LOXHD1: variants seen among roughly 807,000 people sequenced by gnomAD.
The protein encoded by LOXHD1 is lipoxygenase homology PLAT domains 1, also known as lipoxygenase homology domain-containing protein 1.
Under a neutral mutation model 248.2 loss-of-function variants are expected in LOXHD1, and 205 were observed. The ratio of observed to expected loss-of-function variants is 0.83; its 90% CI spans 0.74 to 0.93. LOXHD1 has a LOEUF of 0.93. Among genes scored for constraint, LOXHD1 ranks in the 40% least tolerant of loss-of-function variants. The pLI is 0.00. For synonymous variants in LOXHD1, 1,113 were observed against 1,162.8 expected (o/e 0.96, Z 0.87); for missense variants, 2,930 against 2,971.6 (o/e 0.99, Z 0.33).
chr18:46,551,815 C>G (rs967262162), intron 21 of LOXHD1, among the ~76,000 whole-genome samples: 4 of 152,138 alleles, frequency 2.6e-5, no homozygotes, highest in African/African-American at 9.7e-5. Flanking sequence ...CGGGACACCC[C>G]ATTAAAATCC....
At chr18:46,531,333 C>A (rs1568145976) in intron 28 of LOXHD1, among the ~76,000 whole-genome samples, 1 of 152,208 alleles carries the variant, frequency 6.6e-6, no homozygotes, top group Non-Finnish European at 1.5e-5. Flanking sequence ...GTTACCTAAG[C>A]TTGTCTTGCT....
Position 46,541,737 on chromosome 18 carries a change from C to A in LOXHD1, c.3913+39G>T, listed in dbSNP as rs541626731. 42 of 1,550,370 alleles carry A rather than the reference C, an allele frequency of 2.7e-5. No homozygotes were observed. In the African/African-American group the frequency reaches 5.5e-4, roughly 20 times the overall value. ...TGAGTTGGGGTAGCTGGTGATGGGGCCCCAGAGAAGGGCTGGCCTTGCCGT... is the reference window on the plus strand; with the variant it reads ...TGAGTTGGGGTAGCTGGTGATGGGGACCCAGAGAAGGGCTGGCCTTGCCGT... On this transcript the variant is annotated intron_variant, in intron 25 of 40. Transcript: ENST00000642948.
chr18:46,630,555 T>C (rs2038806986), intron 4 of LOXHD1, among the ~76,000 whole-genome samples: 1 of 152,184 alleles, frequency 6.6e-6, no homozygotes, highest in Non-Finnish European at 1.5e-5. Flanking sequence ...CGCCATCTTA[T>C]CAGGCCTTGC....
At chr18:46,559,992 G>A in intron 19 of LOXHD1, 91 bp downstream of exon 19, 1 of 1,404,096 alleles carries the variant, frequency 7.1e-7, no homozygotes. Flanking sequence ...TCCACGTGAG[G>A]GGGATCTAGG....
chr18:46,492,565 A>G (rs1278357725), intron 37 of LOXHD1, among the ~76,000 whole-genome samples: 1 of 152,212 alleles, frequency 6.6e-6, no homozygotes, highest in Non-Finnish European at 1.5e-5. Flanking sequence ...CGCCTTTGAC[A>G]CTTGGAGATT....
rs61025130 is a variant in LOXHD1, at chr18:46,575,312, G to A, written c.1970+2395C>T. Among the ~76,000 whole-genome samples the A allele has an allele frequency of 1.3e-3, 195 of 152,220 alleles. 1 individual carries two copies. Among genetic ancestry groups the A allele is most frequent in the African/African-American group, 4.6e-3 (192 of 41,534 alleles). ...TCCTCTCTGGTGTACAATAAGCCCC[G>A]TCTCACCACCTTCACTGCCACCACT... On this transcript the variant is annotated intron_variant, in intron 14 of 40. Coordinates refer to ENST00000642948, the MANE Select transcript of LOXHD1 (RefSeq NM_001384474.1).
intron 34 of LOXHD1, among the ~76,000 whole-genome samples, chr18:46,515,467 GA>G (rs375747594): frequency 0.02 from 3,036 of 148,472 alleles, 91 homozygotes; most frequent in African/African-American, 0.07. Flanking sequence ...TCTTTATTCA[GA>G]AAAAAAAAAT....
Position 46,477,362 on chromosome 18 carries a change from C to A in LOXHD1, c.*110G>T. ...ACCCCATGAAGTTCTCAGTGGACTG[C>A]TAGCCCCCAGTGCCAATGCTAGAGG... On this transcript the variant is annotated 3_prime_UTR_variant, in exon 41 of 41. Coordinates refer to ENST00000642948, the MANE Select transcript of LOXHD1 (RefSeq NM_001384474.1). 1 of 1,452,682 alleles carries A rather than the reference C, an allele frequency of 6.9e-7. No homozygotes were observed. The highest frequency in any genetic ancestry group is 9.4e-7 in the Non-Finnish European group (1 of 1,065,414). The allele number at this position is 1,452,682 out of a possible 1,614,324, so 90.0% of individuals were successfully genotyped here.
At position 46,557,343 on chromosome 18, in the gene LOXHD1, C is replaced by A; in HGVS notation, c.3350+13G>T. The A allele has an allele frequency of 1.3e-6, 2 of 1,552,286 alleles. No homozygotes were observed. The highest frequency in any genetic ancestry group is 1.7e-6 in the Non-Finnish European group (2 of 1,147,126). ...GAGCAACACCCCTCCCTGCCCACTG[C>A]CCCCACACTCACGTGATCTCGTTGT... On this transcript the variant is annotated intron_variant, in intron 21 of 40. Coordinates refer to ENST00000642948, the MANE Select transcript of LOXHD1 (RefSeq NM_001384474.1).
chr18:46,523,835 T>C (rs1193191211), intron 31 of LOXHD1, among the ~76,000 whole-genome samples: 1 of 152,098 alleles, frequency 6.6e-6, no homozygotes, highest in Non-Finnish European at 1.5e-5. Flanking sequence ...CAGACTGACT[T>C]TCTCTGCCTG....
At chr18:46,530,968 C>G (rs1177749945) in intron 28 of LOXHD1, among the ~76,000 whole-genome samples, 1 of 152,186 alleles carries the variant, frequency 6.6e-6, no homozygotes, top group Non-Finnish European at 1.5e-5. Context: ...TGCTTCGGAT[C>G]CGCACACTTA....
At chr18:46,589,206 C>T (rs2038119030) in intron 12 of LOXHD1, among the ~76,000 whole-genome samples, 2 of 152,184 alleles carry the variant, frequency 1.3e-5, no homozygotes, top group Non-Finnish European at 2.9e-5. Flanking sequence ...GGCAGTCACG[C>T]CCCAGGAGCA....
intron 17 of LOXHD1, among the ~76,000 whole-genome samples, chr18:46,565,437 G>A (rs1217920082): frequency 6.6e-6 from 1 of 151,960 alleles, no homozygotes; most frequent in Non-Finnish European, 1.5e-5. Context: ...TCCTATTATT[G>A]TCTGTCTCCC....
intron 23 of LOXHD1, among the ~76,000 whole-genome samples, chr18:46,543,250 T>A (rs1469698162): frequency 6.6e-6 from 1 of 152,234 alleles, no homozygotes; most frequent in African/African-American, 2.4e-5. Context: ...CTCTCTTTTA[T>A]AAGTGAGAAC....
rs901818573 is a variant in LOXHD1 at position 46,507,552 on chromosome 18, G to A, written c.5678C>T (p.Thr1893Ile). ...EWTSYTVAVK[T>I]SDILGAGTDA... ...CCCCGACCCACCCAGGATGTCGCTG[G>A]TCTTAACTGCGACGGTGTAGGAGGT... Residue 1893 changes from threonine to isoleucine, a missense_variant, in exon 36 of 41, where the codon ACC becomes ATC. Coordinates refer to ENST00000642948, the MANE Select transcript of LOXHD1 (RefSeq NM_001384474.1). 1.9e-6 allele frequency: 3 copies of A among 1,551,628 alleles called. No homozygotes were observed. The highest frequency in any genetic ancestry group is 2.7e-5 in the African/African-American group (2 of 73,056).
chr18:46,615,959 T>G (rs2038580547), intron 5 of LOXHD1, among the ~76,000 whole-genome samples: 1 of 152,238 alleles, frequency 6.6e-6, no homozygotes, highest in Non-Finnish European at 1.5e-5. Context: ...TGAACAAAGT[T>G]GTTTGCCTTA....
chr18:46,589,602 C>A (rs2038128049), intron 12 of LOXHD1, among the ~76,000 whole-genome samples: 1 of 152,184 alleles, frequency 6.6e-6, no homozygotes, highest in Non-Finnish European at 1.5e-5. Context: ...CTCTAATCAG[C>A]ATAGCTGGTG....
chr18:46,534,808 TG>T (rs200685813), intron 26 of LOXHD1, among the ~76,000 whole-genome samples: 1,580 of 152,342 alleles, frequency 0.01, 11 homozygotes, highest in Non-Finnish European at 0.017. Flanking sequence ...GAGTTCTGGC[TG>T]TGCCATGCTC....
chr18:46,485,019 T>C lies in LOXHD1; in HGVS notation c.6182A>G (p.Lys2061Arg), dbSNP rs764985666. 5.4e-5 allele frequency: 83 copies of C among 1,533,770 alleles called. No individual in the cohort carries two copies. Among genetic ancestry groups the C allele is most frequent in the African/African-American group, 2.8e-5 (2 of 72,574 alleles). ...CTTCCCATGGGCCTCCCCTTCCTAC[T>C]TCCTAAAGGCCCGCTGCCTAGAAGA... ...ENSSRQRAFR[K>R]GTTDTFEFDS... Residue 2061 changes from lysine to arginine, a missense_variant and splice_region_variant, in exon 39 of 41, where the codon AAG becomes AGG. By Grantham distance (26) the Lys-to-Arg change is conservative. Coordinates refer to ENST00000642948, the MANE Select transcript of LOXHD1 (RefSeq NM_001384474.1).
Sources: allele counts gnomAD v4.1 joint callset (sites outside exome capture counted in the v4.1 genomes callset), GRCh38; gene constraint gnomAD v4.1.1; transcripts MANE v1.5; gene names NCBI Gene and HGNC (gene_info 2026-07-23, HGNC 2026-07-21).